DKK2: variants seen among roughly 807,000 people sequenced by gnomAD.
DKK2 encodes dickkopf Wnt signaling pathway inhibitor 2.
A neutral mutation model predicts 28.1 loss-of-function variants in DKK2; 11 were observed. The observed-to-expected ratio is 0.39, with a 90% CI of 0.25 to 0.65. The LOEUF is 0.65. Among genes scored for constraint, DKK2 ranks in the 30% least tolerant of loss-of-function variants. The pLI is 0.47. For synonymous variants in DKK2, 135 were observed against 126.5 expected (o/e 1.07, Z -0.45); for missense variants, 326 against 335.5 (o/e 0.97, Z 0.22).
intron 1 of DKK2, among the ~76,000 whole-genome samples, chr4:106,964,975 A>AGAT (rs1553922198): frequency 4.1e-5 from 6 of 145,290 alleles, no homozygotes; most frequent in Admixed American, 3.4e-4. Context: ...ATAGATAGAT[A>AGAT]GATAGATAGA....
chr4:107,030,279 T>G (rs1035617997), intron 1 of DKK2, among the ~76,000 whole-genome samples: 2 of 152,102 alleles, frequency 1.3e-5, no homozygotes, highest in Non-Finnish European at 2.9e-5. Flanking sequence ...TCTGCTCTAG[T>G]TCCTGTCAAG....
At chr4:106,935,471 A>G (rs544485983) in intron 1 of DKK2, among the ~76,000 whole-genome samples, 1 of 152,332 alleles carries the variant, frequency 6.6e-6, no homozygotes, top group East Asian at 1.9e-4. Flanking sequence ...TCCTACACCC[A>G]CAGAGTCTCA....
rs1183898358 is a variant in DKK2 at position 107,036,007 on chromosome 4, G to T, written c.-416C>A. The T allele has an allele frequency of 4.8e-6, 1 of 206,680 alleles. No individual in the cohort carries two copies. The highest frequency in any genetic ancestry group is 1.3e-4 in the East Asian group (1 of 7,704). 12.8% of individuals were successfully genotyped at this position (206,680 alleles called of 1,614,324 possible). On this transcript the variant is annotated 5_prime_UTR_variant, in exon 1 of 4. It adds an upstream start codon to the 5' untranslated region. Coordinates refer to ENST00000285311, the MANE Select transcript of DKK2 (RefSeq NM_014421.3). ...TTAATTGATCAGGAGGCCCGCATCA[G>T]CTCCTTCTCCTTCAACTCAGTTGCT...
At chr4:106,924,252 A>G (rs753897485) in intron 3 of DKK2, 48 bp from the exon 4 acceptor site, 12 of 1,585,320 alleles carry the variant, frequency 7.6e-6, no homozygotes, top group Non-Finnish European at 9.4e-6. Context: ...TTCAGAAAAA[A>G]AAAATTCTAT....
At chr4:106,943,062 C>A (rs1284415833) in intron 1 of DKK2, among the ~76,000 whole-genome samples, 2 of 152,246 alleles carry the variant, frequency 1.3e-5, no homozygotes, top group East Asian at 3.9e-4. Flanking sequence ...GCCAAGAACA[C>A]CCTTCCTCCA....
At chr4:106,970,310 T>C (rs931116163) in intron 1 of DKK2, among the ~76,000 whole-genome samples, 2 of 152,058 alleles carry the variant, frequency 1.3e-5, no homozygotes, top group African/African-American at 2.4e-5. Flanking sequence ...ACACATAACA[T>C]CAAACCTGCA....
chr4:106,935,172 G>T (rs971802036), intron 1 of DKK2, among the ~76,000 whole-genome samples: 3 of 152,206 alleles, frequency 2.0e-5, no homozygotes, highest in Non-Finnish European at 2.9e-5. Context: ...TGAGGCAGAA[G>T]ACGGTGATTT....
intron 1 of DKK2, among the ~76,000 whole-genome samples, chr4:107,010,203 TA>T (rs1244861872): frequency 6.6e-6 from 1 of 151,792 alleles, no homozygotes; most frequent in Non-Finnish European, 1.5e-5. Context: ...TGATTTTATT[TA>T]AATTACAAGC....
intron 1 of DKK2, among the ~76,000 whole-genome samples, chr4:106,948,027 C>A (rs1478856067): frequency 6.6e-6 from 1 of 152,070 alleles, no homozygotes; most frequent in African/African-American, 2.4e-5. Flanking sequence ...GCTGTAGTTC[C>A]AAAACATTTC....
At chr4:106,930,079 GA>G (rs1724479715) in intron 1 of DKK2, among the ~76,000 whole-genome samples, 1 of 152,080 alleles carries the variant, frequency 6.6e-6, no homozygotes, top group African/African-American at 2.4e-5. Context: ...GCAGCTGTTG[GA>G]AAAAGAGAAT....
rs1261371715 is a variant in DKK2, at chr4:106,923,210, G to T, written c.*744C>A. ...AAGAGAGATATACTGTCATTCCGTA[G>T]AATCTGAAGGAACTGTTTTTGTCTT... On this transcript the variant is annotated 3_prime_UTR_variant, in exon 4 of 4. Transcript: ENST00000285311. 3 of 152,146 alleles carry T rather than the reference G, an allele frequency of 2.0e-5. No individual in the cohort carries two copies. Among genetic ancestry groups the T allele is most frequent in the Non-Finnish European group, 4.4e-5 (3 of 68,060 alleles). The allele number at this position is 152,146 out of a possible 1,614,324, so 9.4% of individuals were successfully genotyped here.
chr4:107,005,036 G>A (rs1283432410), intron 1 of DKK2, among the ~76,000 whole-genome samples: 2 of 152,086 alleles, frequency 1.3e-5, no homozygotes, highest in Non-Finnish European at 2.9e-5. Context: ...AGCCCAGTGA[G>A]ATCAGTTTTG....
chr4:107,011,248 A>G (rs904947015), intron 1 of DKK2, among the ~76,000 whole-genome samples: 1 of 151,382 alleles, frequency 6.6e-6, no homozygotes, highest in Non-Finnish European at 1.5e-5. Flanking sequence ...TGACAATCAA[A>G]CTCTTTGGGT....
intron 1 of DKK2, among the ~76,000 whole-genome samples, chr4:106,968,030 G>GA (rs1385811965): frequency 8.7e-5 from 13 of 148,868 alleles, no homozygotes; most frequent in Non-Finnish European, 8.9e-5. Context: ...AGGAAGGAAG[G>GA]AAAAAAGGAA....
intron 1 of DKK2, among the ~76,000 whole-genome samples, chr4:106,963,789 T>C (rs942489681): frequency 1.3e-5 from 2 of 152,190 alleles, no homozygotes; most frequent in African/African-American, 4.8e-5. Context: ...TGTTCAACAA[T>C]GGATGAATTG....
chr4:107,023,446 A>C (rs1265742124), intron 1 of DKK2, among the ~76,000 whole-genome samples: 1 of 152,090 alleles, frequency 6.6e-6, no homozygotes, highest in African/African-American at 2.4e-5. Context: ...ACAAAACTAG[A>C]TACAGTACAA....
intron 1 of DKK2, among the ~76,000 whole-genome samples, chr4:106,964,861 C>A (rs901603392): frequency 6.6e-6 from 1 of 151,952 alleles, no homozygotes; most frequent in Non-Finnish European, 1.5e-5. Flanking sequence ...TTGGACTTGT[C>A]AGTCCCACAA....
chr4:107,018,678 G>T (rs1288764609), intron 1 of DKK2, among the ~76,000 whole-genome samples: 1 of 152,034 alleles, frequency 6.6e-6, no homozygotes, highest in Non-Finnish European at 1.5e-5. Flanking sequence ...ACCAAGAAGG[G>T]AATATCTCTC....
chr4:106,946,687 C>T (rs949183007), intron 1 of DKK2, among the ~76,000 whole-genome samples: 1 of 151,942 alleles, frequency 6.6e-6, no homozygotes, highest in Non-Finnish European at 1.5e-5. Context: ...ATTCCATCCT[C>T]TCCTTGGAGA....
Sources: allele counts gnomAD v4.1 joint callset (sites outside exome capture counted in the v4.1 genomes callset), GRCh38; gene constraint gnomAD v4.1.1; transcripts MANE v1.5; gene names NCBI Gene and HGNC (gene_info 2026-07-23, HGNC 2026-07-21).